DSCAM: variants seen among roughly 807,000 people sequenced by gnomAD.
The protein encoded by DSCAM is cell adhesion molecule DSCAM.
A neutral mutation model predicts 217.7 loss-of-function variants in DSCAM; 47 were observed. That is an observed-to-expected ratio of 0.22 (90% CI 0.17 to 0.28). The LOEUF (loss-of-function observed/expected upper bound fraction) is 0.28. Among genes scored for constraint, DSCAM ranks in the 10% least tolerant of loss-of-function variants. DSCAM has a pLI of 1.00. For synonymous variants in DSCAM, 1,056 were observed against 1,015.3 expected (o/e 1.04, Z -0.76); for missense variants, 2,080 against 2,618.3 (o/e 0.79, Z 4.49).
intron 3 of DSCAM, chr21:40,621,255 C>T (rs1050143934): frequency 1.3e-5 from 2 of 152,014 alleles, no homozygotes; most frequent in Non-Finnish European, 2.9e-5. Context: ...AAAAAACTAC[C>T]GTGGGATAAG....
intron 3 of DSCAM, among the ~76,000 whole-genome samples, chr21:40,584,306 A>G (rs546979974): frequency 3.9e-5 from 6 of 152,344 alleles, no homozygotes; most frequent in Admixed American, 2.6e-4. Context: ...AGCCTAGGTG[A>G]TAAATGAATT....
intron 9 of DSCAM, among the ~76,000 whole-genome samples, chr21:40,297,095 G>A (rs936511823): frequency 6.6e-6 from 1 of 152,054 alleles, no homozygotes; most frequent in Non-Finnish European, 1.5e-5. Flanking sequence ...GGGCCAAAGG[G>A]GGACTGTGGA....
Position 40,136,066 on chromosome 21 carries a change from G to A in DSCAM, c.3407-2057C>T, listed in dbSNP as rs1039221089. ...CAGGGCGAGGATGGCCCAAAGACAG[G>A]CCTTTGGACTCCTGTCTTCTAGGGA... On this transcript the variant is annotated intron_variant, in intron 18 of 32. Transcript: ENST00000400454. Among the ~76,000 whole-genome samples, 4 of 152,304 alleles carry A rather than the reference G, an allele frequency of 2.6e-5. No individual in the cohort carries two copies. In the South Asian group the frequency reaches 6.2e-4, roughly 24 times the overall value.
intron 11 of DSCAM, among the ~76,000 whole-genome samples, chr21:40,263,867 G>A (rs1402883672): frequency 6.6e-6 from 1 of 152,032 alleles, no homozygotes; most frequent in Non-Finnish European, 1.5e-5. Flanking sequence ...TGAAAATGGA[G>A]ACATCACAAC....
chr21:40,436,319 GGTTA>G (rs2145905528), intron 3 of DSCAM, among the ~76,000 whole-genome samples: 2 of 152,236 alleles, frequency 1.3e-5, no homozygotes, highest in South Asian at 4.1e-4. Context: ...CCCCTGAGAT[GGTTA>G]GTTTACACAA....
Position 40,042,340 on chromosome 21 carries a change from C to A in DSCAM, c.5686+31G>T, listed in dbSNP as rs532903018. On this transcript the variant is annotated intron_variant, in intron 32 of 32. Transcript: ENST00000400454. ...GACCAGGAAGGTGCACTTCCCTAAG[C>A]GACGGCCCCCAGGTGGCCTTGCTCA... The A allele has an allele frequency of 8.7e-6, 14 of 1,601,188 alleles. No homozygotes were observed. In the East Asian group the frequency reaches 3.1e-4, roughly 36 times the overall value.
intron 16 of DSCAM, among the ~76,000 whole-genome samples, chr21:40,159,809 G>A (rs920769861): frequency 2.0e-5 from 3 of 152,174 alleles, no homozygotes; most frequent in African/African-American, 7.2e-5. Context: ...TCTCGAACTC[G>A]TGATGTTAAG....
intron 3 of DSCAM, among the ~76,000 whole-genome samples, chr21:40,580,022 C>G (rs914163): frequency 0.49 from 73,854 of 151,182 alleles, 18,269 homozygotes; most frequent in East Asian, 0.57. Flanking sequence ...TCCACCAGAA[C>G]CAATGGTGAA....
At chr21:40,259,661 C>CTTTTTTT (rs542106779) in intron 11 of DSCAM, among the ~76,000 whole-genome samples, 2,200 of 59,542 alleles carry the variant, frequency 0.037, 534 homozygotes, top group Middle Eastern at 0.094. Context: ...GTCAGCCATT[C>CTTTTTTT]TTTTTTTTTT....
rs540601002 is a variant in DSCAM at position 40,681,350 on chromosome 21, G to A, written c.508+11460C>T. ...CCAGGCTACTTGCAGCTGGGACAGC[G>A]GCAGCTGGTGGTGTGGCTGCCAGCT... On this transcript the variant is annotated intron_variant, in intron 3 of 32. Coordinates refer to ENST00000400454, the MANE Select transcript of DSCAM (RefSeq NM_001389.5). Among the ~76,000 whole-genome samples, 183 of 152,328 alleles carry A rather than the reference G, an allele frequency of 1.2e-3. 2 individuals carry two copies. Among genetic ancestry groups the A allele is most frequent in the African/African-American group, 4.2e-3 (176 of 41,580 alleles).
At chr21:40,690,186 C>A (rs2090524140) in intron 3 of DSCAM, among the ~76,000 whole-genome samples, 1 of 152,196 alleles carries the variant, frequency 6.6e-6, no homozygotes, top group Non-Finnish European at 1.5e-5. Flanking sequence ...GACTTCATGA[C>A]CTCCTTTTCT....
chr21:40,632,173 G>C (rs557927545), intron 3 of DSCAM, among the ~76,000 whole-genome samples: 1 of 152,090 alleles, frequency 6.6e-6, no homozygotes, highest in Non-Finnish European at 1.5e-5. Flanking sequence ...CAGTGCTCAG[G>C]GGTTCATGAG....
chr21:40,015,764 T>C (rs995405821), intron 32 of DSCAM, among the ~76,000 whole-genome samples: 3 of 152,124 alleles, frequency 2.0e-5, no homozygotes, highest in African/African-American at 4.8e-5. Context: ...TTCAGGGCCC[T>C]GTTTCAAGGC....
At chr21:40,777,735 AC>A (rs1394093401) in intron 1 of DSCAM, among the ~76,000 whole-genome samples, 1 of 152,216 alleles carries the variant, frequency 6.6e-6, no homozygotes, top group Non-Finnish European at 1.5e-5. Context: ...TTAAAAAGAT[AC>A]AATTTTTAGA....
chr21:40,638,337 C>A (rs2089834463), intron 3 of DSCAM, among the ~76,000 whole-genome samples: 1 of 152,150 alleles, frequency 6.6e-6, no homozygotes, highest in Non-Finnish European at 1.5e-5. Flanking sequence ...GTGAACCATG[C>A]ATAACTTTAA....
chr21:40,031,096 A>T (rs1461344320), intron 32 of DSCAM, among the ~76,000 whole-genome samples: 1 of 151,878 alleles, frequency 6.6e-6, no homozygotes, highest in Non-Finnish European at 1.5e-5. Flanking sequence ...CTCTTGTCTG[A>T]CTTCTGAGCC....
chr21:40,267,207 G>GT (rs1456611221), intron 11 of DSCAM, among the ~76,000 whole-genome samples: 1 of 141,754 alleles, frequency 7.1e-6, no homozygotes, highest in African/African-American at 2.8e-5. Context: ...GAAAAAACAA[G>GT]TAACAGGTCA....
chr21:40,335,121 T>C (rs1024620007), intron 8 of DSCAM, among the ~76,000 whole-genome samples: 1 of 152,170 alleles, frequency 6.6e-6, no homozygotes, highest in East Asian at 1.9e-4. Flanking sequence ...TGAGCTGTCT[T>C]GAACCCCTTC....
At chr21:40,731,892 A>T (rs13051235) in intron 1 of DSCAM, among the ~76,000 whole-genome samples, 5,347 of 151,978 alleles carry the variant, frequency 0.035, 103 homozygotes, top group Middle Eastern at 0.048. Context: ...CATCTGGCTA[A>T]TTTTTTGTAT....
Sources: allele counts gnomAD v4.1 joint callset (sites outside exome capture counted in the v4.1 genomes callset), GRCh38; gene constraint gnomAD v4.1.1; transcripts MANE v1.5; gene names NCBI Gene and HGNC (gene_info 2026-07-23, HGNC 2026-07-21).